The following HDLBP variants were observed in gnomAD, a reference collection of about 807,000 sequenced individuals.
HDLBP encodes the protein vigilin.
In HDLBP, 30 loss-of-function variants were observed where a neutral mutation model predicts 137.3. The ratio of observed to expected loss-of-function variants is 0.22; its 90% CI spans 0.16 to 0.30. HDLBP has a LOEUF of 0.30. Among genes scored for constraint, HDLBP ranks in the 10% least tolerant of loss-of-function variants. HDLBP has a pLI of 1.00. For missense variants in HDLBP, 1,119 were observed against 1,667.3 expected (o/e 0.67, Z 5.73); for synonymous variants, 606 against 596.0 (o/e 1.02, Z -0.24).
intron 1 of HDLBP, among the ~76,000 whole-genome samples, chr2:241,274,513 G>A (rs2074320357): frequency 6.6e-6 from 1 of 152,206 alleles, no homozygotes; most frequent in Non-Finnish European, 1.5e-5. Flanking sequence ...TGAGGGCTCA[G>A]CACTGCAGAG....
intron 5 of HDLBP, among the ~76,000 whole-genome samples, chr2:241,257,353 C>T (rs1451087660): frequency 1.3e-5 from 2 of 152,196 alleles, no homozygotes. Flanking sequence ...CTGCCTCAGC[C>T]TCTCGATTAG....
intron 12 of HDLBP, among the ~76,000 whole-genome samples, chr2:241,248,733 T>C (rs947212896): frequency 2.0e-5 from 3 of 152,108 alleles, no homozygotes; most frequent in Admixed American, 1.3e-4. Flanking sequence ...CTTGGAGGCC[T>C]GGCATTCTGC....
rs2069326657 is a variant in HDLBP at position 241,228,322 on chromosome 2, C to T, written c.*1279G>A. The T allele has an allele frequency of 6.6e-6, 1 of 152,404 alleles. No individual in the cohort carries two copies. The highest frequency in any genetic ancestry group is 6.5e-5 in the Admixed American group (1 of 15,292). 9.4% of individuals were successfully genotyped at this position (152,404 alleles called of 1,614,324 possible). A position where few individuals can be genotyped will look rare whatever the true frequency, so the allele number is the denominator to read the frequency against. ...CCTCACAGCATGACACAGATGCCTC[C>T]CTCGGAGAGCAGGGTCTCTCGGCAT... On this transcript the variant is annotated 3_prime_UTR_variant, in exon 28 of 28. Coordinates refer to ENST00000310931, the MANE Select transcript of HDLBP (RefSeq NM_005336.6).
intron 16 of HDLBP, among the ~76,000 whole-genome samples, chr2:241,245,328 C>A (rs892327999): frequency 2.6e-5 from 4 of 152,126 alleles, no homozygotes; most frequent in African/African-American, 9.7e-5. Flanking sequence ...AGACTACAAG[C>A]ATGCAGCACC....
chr2:241,309,412 C>A (rs778195020), intron 1 of HDLBP, among the ~76,000 whole-genome samples: 1 of 152,074 alleles, frequency 6.6e-6, no homozygotes, highest in Non-Finnish European at 1.5e-5. Context: ...TGATAGTAAA[C>A]GATTTTTTCT....
rs2075727676 is a variant in HDLBP at position 241,310,530 on chromosome 2, T to C, written c.-103+5040A>G. ...CATCACTTTGTACCCCCTAAATATG[T>C]ACAAGTATAATTTGTCAATTTACAA... On this transcript the variant is annotated intron_variant, in intron 1 of 27. Transcript: ENST00000310931. Among the ~76,000 whole-genome samples, 6 of 152,116 alleles carry C rather than the reference T, an allele frequency of 3.9e-5. No individual in the cohort carries two copies. In the South Asian group the frequency reaches 1.2e-3, roughly 32 times the overall value.
At chr2:241,285,400 C>T (rs979668304) in intron 1 of HDLBP, among the ~76,000 whole-genome samples, 1 of 152,054 alleles carries the variant, frequency 6.6e-6, no homozygotes, top group African/African-American at 2.4e-5. Context: ...TGGTTCAGTC[C>T]GGGACTGGGT....
rs750064774 is a variant in HDLBP at position 241,235,636 on chromosome 2, G to A, written c.2905-42C>T. The A allele has an allele frequency of 2.1e-6, 3 of 1,402,294 alleles. No homozygotes were observed. The African/African-American group carries it at 4.2e-5, about 20-fold the overall frequency. 86.9% of individuals were successfully genotyped at this position (1,402,294 alleles called of 1,614,324 possible). A position where few individuals can be genotyped will look rare whatever the true frequency, so the allele number is the denominator to read the frequency against. ...CATGGTTAGGCCGTGGGAGCTGAGAGCAGAGTGACGTTGTAAGCTCAGCAA... is the reference window on the plus strand; with the variant it reads ...CATGGTTAGGCCGTGGGAGCTGAGAACAGAGTGACGTTGTAAGCTCAGCAA... On this transcript the variant is annotated intron_variant, in intron 21 of 27. Transcript: ENST00000310931.
In HDLBP at chr2:241,302,524, CAGACTG is replaced by C. The variant is rs1271395062; in HGVS notation, c.-103+13040_-103+13045del. 3.9e-5 allele frequency: 6 copies of C among 152,402 alleles called. No individual in the cohort carries two copies. The East Asian group carries it at 9.6e-4, about 24-fold the overall frequency. The allele number at this position is 152,402 out of a possible 1,614,324, so 9.4% of individuals were successfully genotyped here. ...CAGCACTGCACTCCAGCCTGGGCGACAGACTGAGACTCTGTTTCAAAACAAATTGGT... is the reference window on the plus strand; with the variant it reads ...CAGCACTGCACTCCAGCCTGGGCGACAGACTCTGTTTCAAAACAAATTGGT... On this transcript the variant is annotated intron_variant, in intron 1 of 27. Coordinates refer to ENST00000310931, the MANE Select transcript of HDLBP (RefSeq NM_005336.6).
chr2:241,253,535 T>C (rs1469705700), intron 9 of HDLBP, 38 bp from the exon 10 acceptor site: 4 of 1,411,980 alleles, frequency 2.8e-6, no homozygotes, highest in South Asian at 2.3e-5. Context: ...TAAAACAGAA[T>C]GGCACAGCTG....
chr2:241,279,368 A>T (rs1250800178), intron 1 of HDLBP, among the ~76,000 whole-genome samples: 1 of 152,256 alleles, frequency 6.6e-6, no homozygotes, highest in Non-Finnish European at 1.5e-5. Context: ...CACCATTTTT[A>T]GAATAGTTAC....
At position 241,239,554 on chromosome 2, in the gene HDLBP, G is replaced by T; in HGVS notation, c.2610+48C>A. On this transcript the variant is annotated intron_variant, in intron 19 of 27. Transcript: ENST00000310931. This position sits in a 1 kb window ranked among gnomAD's most constrained non-coding sequence, Gnocchi z 4.6. ...GAACACTCATACACGGCTTCGGTGA[G>T]TGGCCACTGGGGGGTGAGAACCCCT... 1 of 1,493,622 alleles carries T rather than the reference G, an allele frequency of 6.7e-7. No individual in the cohort carries two copies. Among genetic ancestry groups the T allele is most frequent in the African/African-American group, 1.4e-5 (1 of 72,850 alleles). 92.5% of individuals were successfully genotyped at this position (1,493,622 alleles called of 1,614,324 possible).
Position 241,247,114 on chromosome 2 carries a change from G to A in HDLBP, c.1760C>T (p.Pro587Leu), listed in dbSNP as rs756644872. Residue 587 changes from proline to leucine, a missense_variant, in exon 15 of 28, where the codon CCG becomes CTG. Transcript: ENST00000310931. Reference protein sequence around the residue: ...LVENSYSISVPIFKQFHKNII... With the variant: ...LVENSYSISVLIFKQFHKNII... Reference sequence around the variant, plus strand: ...ATTCTTGTGAAACTGTTTGAAGATCGGAACAGAAATTGAATAGCTATTTTC... The same window carrying A: ...ATTCTTGTGAAACTGTTTGAAGATCAGAACAGAAATTGAATAGCTATTTTC... 4 of 1,612,686 alleles carry A rather than the reference G, an allele frequency of 2.5e-6. No individual in the cohort carries two copies. The highest frequency in any genetic ancestry group is 2.7e-5 in the African/African-American group (2 of 74,864).
rs757196392 is a variant in HDLBP at position 241,238,752 on chromosome 2, C to T, written c.2646G>A (p.Gln882=). ...AQVTLECAIP[Q]KFHRSVMGPK... ...GGCCCATGACAGATCGATGGAATTT[C>T]TGGGGTATAGCACATTCTAATGTCA... is the stretch of plus-strand genomic sequence containing the variant. The change falls in exon 20 of 28, where the codon CAG becomes CAA. Residue 882 remains glutamine (Q), a synonymous_variant. Coordinates refer to ENST00000310931, the MANE Select transcript of HDLBP (RefSeq NM_005336.6). This position sits in a 1 kb window ranked among gnomAD's most constrained non-coding sequence, Gnocchi z 4.9. 1.3e-6 allele frequency: 2 copies of T among 1,577,552 alleles called. No individual in the cohort carries two copies. Among genetic ancestry groups the T allele is most frequent in the Non-Finnish European group, 1.7e-6 (2 of 1,153,292 alleles).
At chr2:241,261,165 AG>A (rs2073135588) in intron 5 of HDLBP, among the ~76,000 whole-genome samples, 3 of 139,634 alleles carry the variant, frequency 2.1e-5, no homozygotes, top group Non-Finnish European at 4.5e-5. Flanking sequence ...ACTGCACTCC[AG>A]CCTGGGCAAC....
rs756003313 is a variant in HDLBP, at chr2:241,239,565, G to C, written c.2610+37C>G. On this transcript the variant is annotated intron_variant, in intron 19 of 27. Coordinates refer to ENST00000310931, the MANE Select transcript of HDLBP (RefSeq NM_005336.6). The surrounding 1 kb of genome is among the most constrained non-coding windows in gnomAD (Gnocchi z 4.6). The stretch of plus-strand genomic sequence containing the variant: ...CACGGCTTCGGTGAGTGGCCACTGG[G>C]GGGTGAGAACCCCTCCCCGAGCACC... The C allele has an allele frequency of 2.9e-5, 45 of 1,552,658 alleles. No individual in the cohort carries two copies. In the Admixed American group the frequency reaches 4.2e-4, roughly 14 times the overall value.
chr2:241,270,753 G>A (rs969162447), intron 1 of HDLBP, among the ~76,000 whole-genome samples: 6 of 152,164 alleles, frequency 3.9e-5, no homozygotes, highest in African/African-American at 1.2e-4. Flanking sequence ...CAACACCCAC[G>A]AGGGTTTAAT....
At chr2:241,234,344 G>A (rs2070145193) in intron 23 of HDLBP, among the ~76,000 whole-genome samples, 1 of 152,178 alleles carries the variant, frequency 6.6e-6, no homozygotes, top group Non-Finnish European at 1.5e-5. Context: ...TAGGACTGGG[G>A]CAGATGCAGA....
Position 241,236,675 on chromosome 2 carries a change from A to G in HDLBP, c.2844T>C (p.Cys948=), listed in dbSNP as rs151161340. The G allele has an allele frequency of 2.0e-5, 32 of 1,614,010 alleles. No homozygotes were observed. Among genetic ancestry groups the G allele is most frequent in the Middle Eastern group, 1.6e-4 (1 of 6,062 alleles). ...TCCGGCCAGAGATGATGATGATGTC[A>G]CACCTCCTTGGAGAGCCGGGGTCAC... ...KDCDPGSPRR[C]DIIIISGRKE... is the part of the protein sequence containing the mutation. Residue 948 remains cysteine (C), a synonymous_variant, in exon 21 of 28, where the codon TGT becomes TGC. Coordinates refer to ENST00000310931, the MANE Select transcript of HDLBP (RefSeq NM_005336.6).
Sources: gnomAD v4.1 joint callset for allele counts (sites outside exome capture counted in the v4.1 genomes callset) on GRCh38, gnomAD v4.1.1 for gene constraint, Gnocchi (gnomAD v3.1) non-coding constraint, MANE v1.5 for transcripts, NCBI Gene and HGNC (gene_info 2026-07-23, HGNC 2026-07-21) for gene names.